The following UNC79 variants were observed in gnomAD, a reference collection of about 807,000 sequenced individuals.
The protein encoded by UNC79 is unc-79 subunit of NALCN channel complex, also known as protein unc-79 homolog.
Under a neutral mutation model 283.1 loss-of-function variants are expected in UNC79, and 37 were observed. The ratio of observed to expected loss-of-function variants is 0.13; its 90% confidence interval spans 0.10 to 0.17. UNC79 has a LOEUF of 0.17. UNC79 is among the 10% of genes least tolerant of loss of function. The pLI, the probability that UNC79 is intolerant of heterozygous loss-of-function variation, is 1.00. For synonymous variants in UNC79, 1,107 were observed against 1,200.2 expected, an observed-to-expected ratio of 0.92 and a Z score of 1.61; for missense variants, 2,272 against 3,211.1, an observed-to-expected ratio of 0.71 and a Z score of 7.07.
At chr14:93,354,429 A>G (rs2054044152) in intron 1 of UNC79, among the ~76,000 whole-genome samples, 1 of 152,230 alleles carries the variant, frequency 6.6e-6, no homozygotes, top group Non-Finnish European at 1.5e-5. Context: ...GGGATGCTCA[A>G]GTGGTAAGTA....
At chr14:93,486,656 GGAAAA>G (rs1386080808) in intron 4 of UNC79, among the ~76,000 whole-genome samples, 2 of 78,512 alleles carry the variant, frequency 2.5e-5, no homozygotes, top group African/African-American at 4.2e-5. Flanking sequence ...CTCTGTCTAA[GGAAAA>G]AAAAAAAAAA....
chr14:93,529,076 A>G (rs1033042656), intron 9 of UNC79, among the ~76,000 whole-genome samples: 1 of 152,272 alleles, frequency 6.6e-6, no homozygotes, highest in African/African-American at 2.4e-5. Flanking sequence ...GGAAAGTATC[A>G]TTTAAAGATA....
chr14:93,582,168 G>GC (rs1484711487), intron 19 of UNC79, 35 bp from the exon 20 acceptor site: 7 of 1,613,848 alleles, frequency 4.3e-6, no homozygotes, highest in Non-Finnish European at 5.9e-6. Flanking sequence ...CCCCTCCAGG[G>GC]CTGCTTACCT....
chr14:93,394,210 T>A (rs563672070), intron 1 of UNC79, among the ~76,000 whole-genome samples: 8 of 152,236 alleles, frequency 5.3e-5, no homozygotes, highest in African/African-American at 1.9e-4. Context: ...CCACTGATGT[T>A]TCACACACAT....
chr14:93,470,291 A>C (rs894538102), intron 2 of UNC79, among the ~76,000 whole-genome samples: 3 of 152,204 alleles, frequency 2.0e-5, no homozygotes, highest in Admixed American at 6.5e-5. Context: ...TCATGATTTT[A>C]GTAGAGTTTC....
At chr14:93,502,963 T>C in intron 7 of UNC79, among the ~76,000 whole-genome samples, 1 of 152,238 alleles carries the variant, frequency 6.6e-6, no homozygotes, top group East Asian at 1.9e-4. Context: ...TTTTATTAAC[T>C]CAATCTTATC....
intron 1 of UNC79, among the ~76,000 whole-genome samples, chr14:93,381,811 TG>T (rs2054671383): frequency 6.6e-6 from 1 of 152,210 alleles, no homozygotes; most frequent in Admixed American, 6.5e-5. Context: ...TTTAAACACT[TG>T]CCATGGTCAG....
At chr14:93,441,346 T>G (rs934902363) in intron 1 of UNC79, among the ~76,000 whole-genome samples, 1 of 152,108 alleles carries the variant, frequency 6.6e-6, no homozygotes, top group Non-Finnish European at 1.5e-5. Flanking sequence ...TCTCTTGTAT[T>G]CTGCATAGTG....
chr14:93,528,655 A>T lies in UNC79; in HGVS notation c.1052+9A>T. 1 of 1,612,124 alleles carries T rather than the reference A, an allele frequency of 6.2e-7. No homozygotes were observed. Among genetic ancestry groups the T allele is most frequent in the Non-Finnish European group, 8.5e-7 (1 of 1,178,744 alleles). Reference sequence around the variant, plus strand: ...AGCGAGAGGATTGCAGGGTAGGTATAAGAGTTCTTAAAGAAAAGGAAATAG... The same window carrying T: ...AGCGAGAGGATTGCAGGGTAGGTATTAGAGTTCTTAAAGAAAAGGAAATAG... On this transcript the variant is annotated intron_variant, in intron 9 of 48. Coordinates refer to ENST00000555664, the Ensembl canonical transcript of UNC79.
chr14:93,604,972 C>G lies in UNC79; in HGVS notation c.3754+1554C>G, dbSNP rs749764905. On this transcript the variant is annotated intron_variant, in intron 26 of 48. Coordinates refer to ENST00000555664, the Ensembl canonical transcript of UNC79. The stretch of plus-strand genomic sequence containing the variant: ...CCGAACAGACGCCAGGTGGGTACTT[C>G]TGACATTGAAGGGCCATGTACAAGT... 42 of 1,574,028 alleles carry G rather than the reference C, an allele frequency of 2.7e-5. No homozygotes were observed. Among genetic ancestry groups the G allele is most frequent in the Non-Finnish European group, 3.5e-5 (41 of 1,167,540 alleles).
Position 93,617,682 on chromosome 14 carries a change from A to G in UNC79, c.4224+378A>G, listed in dbSNP as rs1007405775. Among the ~76,000 whole-genome samples the G allele has an allele frequency of 6.6e-6, 1 of 152,210 alleles. No individual in the cohort carries two copies. Among genetic ancestry groups the G allele is most frequent in the Non-Finnish European group, 1.5e-5 (1 of 68,040 alleles). On this transcript the variant is annotated intron_variant, in intron 28 of 48. Coordinates refer to ENST00000555664, the Ensembl canonical transcript of UNC79. This position sits in a 1 kb window ranked among gnomAD's most constrained non-coding sequence, Gnocchi z 4.5. ...AATTTTCTTGAAAAGAAATGTAACTATGAACTGGCATGCATTGCTGTCAGT... is the reference window on the plus strand; with the variant it reads ...AATTTTCTTGAAAAGAAATGTAACTGTGAACTGGCATGCATTGCTGTCAGT...
chr14:93,655,617 A>G (rs1356114657), intron 38 of UNC79, among the ~76,000 whole-genome samples: 3 of 148,684 alleles, frequency 2.0e-5, no homozygotes, highest in African/African-American at 5.0e-5. Flanking sequence ...CTCACTGACT[A>G]TGAATATGCA....
intron 18 of UNC79, 26 bp downstream of exon 18, chr14:93,578,089 G>A: frequency 6.2e-7 from 1 of 1,604,244 alleles, no homozygotes; most frequent in Non-Finnish European, 8.5e-7. Flanking sequence ...GCTTCCTTTA[G>A]TTCAGAGGTG....
At chr14:93,652,595 T>C (rs1044843937) in intron 35 of UNC79, among the ~76,000 whole-genome samples, 2 of 152,210 alleles carry the variant, frequency 1.3e-5, no homozygotes, top group Admixed American at 6.5e-5. Context: ...TGTTGACTTT[T>C]GTGAGATGTA....
chr14:93,338,070 A>T (rs1288026850), intron 1 of UNC79, among the ~76,000 whole-genome samples: 1 of 152,096 alleles, frequency 6.6e-6, no homozygotes, highest in Non-Finnish European at 1.5e-5. Context: ...CGCCCTTGGC[A>T]AGCATGGGAT....
chr14:93,354,057 C>T (rs1483009037), intron 1 of UNC79, among the ~76,000 whole-genome samples: 2 of 151,950 alleles, frequency 1.3e-5, no homozygotes, highest in Non-Finnish European at 2.9e-5. Context: ...TTGACCTGAA[C>T]GATAAATAGA....
At chr14:93,692,121 T>C (rs1043553637) in intron 46 of UNC79, among the ~76,000 whole-genome samples, 175 bp downstream of exon 49, 5 of 152,162 alleles carry the variant, frequency 3.3e-5, no homozygotes, top group African/African-American at 1.2e-4. Flanking sequence ...TGATTAAAAA[T>C]AAGCATTTTG....
chr14:93,676,764 GA>G (rs2073376508), intron 41 of UNC79, among the ~76,000 whole-genome samples: 3 of 152,142 alleles, frequency 2.0e-5, no homozygotes, highest in African/African-American at 4.8e-5. Context: ...AGTGCTTAAG[GA>G]AACCACAAAA....
At chr14:93,647,889 T>C (rs2069801248) in intron 35 of UNC79, among the ~76,000 whole-genome samples, 1 of 152,236 alleles carries the variant, frequency 6.6e-6, no homozygotes, top group Non-Finnish European at 1.5e-5. Context: ...ACGTCTTACA[T>C]GGCAGCCAGC....
Sources: allele counts gnomAD v4.1 joint callset (sites outside exome capture counted in the v4.1 genomes callset), GRCh38; gene constraint gnomAD v4.1.1; non-coding constraint Gnocchi (gnomAD v3.1); transcripts MANE v1.5; gene names NCBI Gene and HGNC (gene_info 2026-07-23, HGNC 2026-07-21).